Variants in SPIRE1 observed in about 807,000 individuals in gnomAD.
SPIRE1 encodes the protein protein spire homolog 1.
SPIRE1 carries 40 observed loss-of-function variants against 94.1 expected under a neutral mutation model. The ratio of observed to expected loss-of-function variants is 0.43; its 90% CI spans 0.33 to 0.55. The LOEUF (loss-of-function observed/expected upper bound fraction) is 0.55, where lower values mean the gene tolerates loss of function less well. Among genes scored for constraint, SPIRE1 ranks in the 20% least tolerant of loss-of-function variants. The pLI, the probability that SPIRE1 is intolerant of heterozygous loss-of-function variation, is 0.06. For synonymous variants in SPIRE1, 376 were observed against 371.7 expected, an observed-to-expected ratio of 1.01 and a Z score of -0.13; for missense variants, 838 against 975.2, an observed-to-expected ratio of 0.86 and a Z score of 1.87.
chr18:12,544,150 GT>G (rs1203306879), intron 3 of SPIRE1, among the ~76,000 whole-genome samples: 1 of 150,974 alleles, frequency 6.6e-6, no homozygotes. Context: ...GTAGTCTTCA[GT>G]TTTCCTTCAA....
intron 6 of SPIRE1, among the ~76,000 whole-genome samples, chr18:12,496,514 C>A (rs1018436156): frequency 6.6e-6 from 1 of 151,854 alleles, no homozygotes; most frequent in African/African-American, 2.4e-5. Flanking sequence ...CAGGCGGAAC[C>A]CCTGAGGTAG....
In SPIRE1 at chr18:12,535,599, C is replaced by T. The variant is rs2034815230; in HGVS notation, c.606G>A (p.Leu202=). 6.2e-7 allele frequency: 1 copy of T among 1,610,580 alleles called. No homozygotes were observed. The highest frequency in any genetic ancestry group is 1.1e-5 in the South Asian group (1 of 90,754). ...ATTCAGTAGGGAGATGAGCAGCACA[C>T]AACTATAGAAGGGGAAAATAAAATA... ...AIRSYRDVMK[L]CAAHLPTESD... is the part of the protein sequence containing the mutation. The change falls in exon 4 of 17, where the codon TTG becomes TTA. Residue 202 remains leucine (L), a splice_region_variant and synonymous_variant. Coordinates refer to ENST00000409402, the MANE Select transcript of SPIRE1 (RefSeq NM_001128626.2).
Position 12,488,912 on chromosome 18 carries a change from G to A in SPIRE1, c.1190-2912C>T, listed in dbSNP as rs550082084. Among the ~76,000 whole-genome samples, 13 of 152,206 alleles carry A rather than the reference G, an allele frequency of 8.5e-5. No homozygotes were observed. In the South Asian group the frequency reaches 2.7e-3, roughly 32 times the overall value. ...AAGAATAATCTTCCTTGGGTCAGGC[G>A]CGGTGGCTCACGCCTGTAATCCCAG... On this transcript the variant is annotated intron_variant, in intron 8 of 16. Transcript: ENST00000409402.
chr18:12,569,830 A>C (rs2035920421), intron 2 of SPIRE1, among the ~76,000 whole-genome samples: 1 of 152,218 alleles, frequency 6.6e-6, no homozygotes, highest in Non-Finnish European at 1.5e-5. Flanking sequence ...TTTAGAACTA[A>C]ATGAAACAAG....
intron 2 of SPIRE1, among the ~76,000 whole-genome samples, chr18:12,610,725 C>T (rs1241401976): frequency 6.6e-6 from 1 of 152,066 alleles, no homozygotes; most frequent in African/African-American, 2.4e-5. Context: ...TTCCTTGGTC[C>T]ACTCACTCTC....
chr18:12,648,149 C>CT (rs1422684054), intron 1 of SPIRE1, among the ~76,000 whole-genome samples: 2 of 152,272 alleles, frequency 1.3e-5, no homozygotes, highest in East Asian at 3.9e-4. Context: ...CAAAATAACT[C>CT]TAAGAAGATA....
At chr18:12,463,635 T>G (rs2031968061) in intron 11 of SPIRE1, 142 bp from the exon 12 acceptor site, 6 of 671,340 alleles carry the variant, frequency 8.9e-6, no homozygotes, top group Non-Finnish European at 1.2e-5. Context: ...TGGTAATCCT[T>G]AGGAGTAGAC....
chr18:12,598,216 T>G (rs1008209383), intron 2 of SPIRE1, among the ~76,000 whole-genome samples: 5 of 152,226 alleles, frequency 3.3e-5, no homozygotes, highest in African/African-American at 1.2e-4. Flanking sequence ...ATAAGATATC[T>G]CAAATCTAAA....
At chr18:12,480,089 A>C (rs1296630565) in intron 9 of SPIRE1, among the ~76,000 whole-genome samples, 1 of 152,238 alleles carries the variant, frequency 6.6e-6, no homozygotes, top group African/African-American at 2.4e-5. Context: ...CTTGTAGATT[A>C]GAATTTAGAC....
intron 2 of SPIRE1, among the ~76,000 whole-genome samples, chr18:12,617,431 A>G (rs768536123): frequency 1.3e-5 from 2 of 151,596 alleles, no homozygotes; most frequent in Non-Finnish European, 2.9e-5. Context: ...TTTGTTTTGG[A>G]GACAGAGTTT....
intron 2 of SPIRE1, among the ~76,000 whole-genome samples, chr18:12,604,631 C>T (rs1378417859): frequency 2.0e-5 from 3 of 152,102 alleles, no homozygotes; most frequent in Non-Finnish European, 4.4e-5. Context: ...CTTCAAATAT[C>T]TCTGCATGAC....
At chr18:12,450,241 C>A (rs1003403580) in intron 16 of SPIRE1, among the ~76,000 whole-genome samples, 1 of 151,490 alleles carries the variant, frequency 6.6e-6, no homozygotes, top group Non-Finnish European at 1.5e-5. Context: ...CCCCTGTAAT[C>A]CCCACTTCTC....
At chr18:12,579,417 A>C (rs1431781707) in intron 2 of SPIRE1, among the ~76,000 whole-genome samples, 10 of 152,210 alleles carry the variant, frequency 6.6e-5, no homozygotes, top group African/African-American at 2.4e-4. Flanking sequence ...TTCCACTTAC[A>C]TGAACTATCC....
Position 12,559,194 on chromosome 18 carries a change from G to GGGGA in SPIRE1, c.373-12291_373-12290insTCCC, listed in dbSNP as rs2144379407. ...CCCACGGGGTGGGGTGGGGTGGGGG[G>GGGGA]GCGCCGGCATGGCAGGCTGCAGGTC... On this transcript the variant is annotated intron_variant, in intron 2 of 16. Transcript: ENST00000409402. This position sits in a 1 kb window ranked among gnomAD's most constrained non-coding sequence, Gnocchi z 4.7. Among the ~76,000 whole-genome samples, 2 of 152,002 alleles carry GGGGA rather than the reference G, an allele frequency of 1.3e-5. No homozygotes were observed. The highest frequency in any genetic ancestry group is 2.1e-4 in the South Asian group (1 of 4,824).
At chr18:12,474,313 C>T (rs1464314910) in intron 10 of SPIRE1, among the ~76,000 whole-genome samples, 2 of 152,062 alleles carry the variant, frequency 1.3e-5, no homozygotes, top group African/African-American at 4.8e-5. Flanking sequence ...CTGGTGAGTT[C>T]AGTGCCAGCT....
At chr18:12,602,407 T>C (rs1381160008) in intron 2 of SPIRE1, among the ~76,000 whole-genome samples, 1 of 152,190 alleles carries the variant, frequency 6.6e-6, no homozygotes, top group Non-Finnish European at 1.5e-5. Flanking sequence ...TTCTATCAAT[T>C]CATATACTGG....
chr18:12,464,940 A>C lies in SPIRE1; in HGVS notation c.1423T>G (p.Ser475Ala), dbSNP rs1038517495. The change falls in exon 11 of 17, where the codon TCG (serine) becomes GCG (alanine). Residue 475 changes from serine to alanine, a missense_variant. Ser to Ala is a moderately conservative substitution (Grantham distance 99). Around this residue, in one of 2 missense-constraint regions of SPIRE1, gnomAD observed 645 missense variants for 804.7 expected, o/e 0.80. Transcript: ENST00000409402. ...SESEEETLHK[S>A]TSSSSVSPSF... is the part of the protein sequence containing the mutation. ...GGAGACACGCTGCTGCTGCTGGTCG[A>C]CTTGTGCAGCGTTTCTTCCTGAGCA... is the stretch of plus-strand genomic sequence containing the variant. 7 of 1,614,026 alleles carry C rather than the reference A, an allele frequency of 4.3e-6. No homozygotes were observed. The highest frequency in any genetic ancestry group is 5.9e-6 in the Non-Finnish European group (7 of 1,180,002).
rs1429774459 is a variant in SPIRE1 at position 12,543,559 on chromosome 18, C to T, written c.603+3115G>A. Among the ~76,000 whole-genome samples the T allele has an allele frequency of 2.0e-5, 3 of 152,126 alleles. No homozygotes were observed. In the East Asian group the frequency reaches 5.8e-4, roughly 29 times the overall value. ...GGTATTGGAATGCCTGCCCAATCTA[C>T]CTCACAGTGTTACCCTAAGGCTCCA... On this transcript the variant is annotated intron_variant, in intron 3 of 16. Coordinates refer to ENST00000409402, the MANE Select transcript of SPIRE1 (RefSeq NM_001128626.2).
In SPIRE1 at chr18:12,463,399, A is replaced by G. The variant is rs1013591282; in HGVS notation, c.1590T>C (p.Thr530=). Reference sequence around the variant, plus strand: ...AAGGCGGCAGGAACTGCCTCACGTTAGTAGGCGTTTCCTTTTCAATGGAAT... The same window carrying G: ...AAGGCGGCAGGAACTGCCTCACGTTGGTAGGCGTTTCCTTTTCAATGGAAT... The part of the protein sequence containing the change: ...RRHSIEKETP[T]NVRQFLPPSR... Residue 530 remains threonine (T), a synonymous_variant, in exon 12 of 17, where the codon ACT becomes ACC. Coordinates refer to ENST00000409402, the MANE Select transcript of SPIRE1 (RefSeq NM_001128626.2). 5.6e-6 allele frequency: 9 copies of G among 1,614,000 alleles called. No homozygotes were observed. The highest frequency in any genetic ancestry group is 1.3e-5 in the African/African-American group (1 of 75,056).
Sources: gnomAD v4.1 joint callset for allele counts (sites outside exome capture counted in the v4.1 genomes callset) on GRCh38, gnomAD v4.1.1 for gene constraint, gnomAD v4.1.1 regional missense constraint, Gnocchi (gnomAD v3.1) non-coding constraint, MANE v1.5 for transcripts, NCBI Gene and HGNC (gene_info 2026-07-23, HGNC 2026-07-21) for gene names.